The following BBOX1 variants were observed in gnomAD, a reference collection of about 807,000 sequenced individuals.
BBOX1 encodes the protein gamma-butyrobetaine dioxygenase.
A neutral mutation model predicts 41.6 loss-of-function variants in BBOX1; 35 were observed. That is an observed-to-expected ratio of 0.84 (90% confidence interval 0.64 to 1.11). The LOEUF (loss-of-function observed/expected upper bound fraction) is 1.11, where lower values mean the gene tolerates loss of function less well. Among genes scored for constraint, BBOX1 ranks in the 50% most tolerant of loss-of-function variants. The probability of loss-of-function intolerance (pLI) is 0.00; values close to 1 mark genes in which losing one functional copy is unlikely to be tolerated. For synonymous variants in BBOX1, 163 were observed against 154.7 expected (o/e 1.05, Z -0.40); for missense variants, 458 against 460.6 (o/e 0.99, Z 0.05).
Position 27,076,283 on chromosome 11 carries a change from G to A in BBOX1, c.335-16885G>A, listed in dbSNP as rs369906087. Among the ~76,000 whole-genome samples the A allele has an allele frequency of 4.3e-4, 66 of 152,276 alleles. No homozygotes were observed. In the South Asian group the frequency reaches 0.011, roughly 25 times the overall value. ...CTGGTGGAGATGTCAGGGGAGTGAC[G>A]TAGACCCTATAAAGTTCCTTGGTTA... On this transcript the variant is annotated intron_variant, in intron 4 of 8. Transcript: ENST00000263182.
chr11:27,041,127 C>G (rs1261119390), intron 1 of BBOX1, 89 bp from the exon 2 acceptor site: 2 of 151,394 alleles, frequency 1.3e-5, no homozygotes, highest in African/African-American at 4.9e-5. Flanking sequence ...CAACAGTACT[C>G]AAAGTATTTT....
At chr11:27,049,796 AT>A (rs1479147356) in intron 2 of BBOX1, among the ~76,000 whole-genome samples, 1 of 152,022 alleles carries the variant, frequency 6.6e-6, no homozygotes, top group African/African-American at 2.4e-5. Flanking sequence ...ATTTTCTCTC[AT>A]TTTTTAGGCT....
At chr11:27,083,910 C>A (rs1857940367) in intron 4 of BBOX1, among the ~76,000 whole-genome samples, 2 of 152,120 alleles carry the variant, frequency 1.3e-5, no homozygotes, top group Admixed American at 1.3e-4. Context: ...GCAACCAGAG[C>A]ACCCTTAGCA....
At chr11:27,070,934 A>C (rs951175823) in intron 4 of BBOX1, among the ~76,000 whole-genome samples, 1 of 152,264 alleles carries the variant, frequency 6.6e-6, no homozygotes, top group South Asian at 2.1e-4. Context: ...TTCAAGTTTT[A>C]GAACTCCTAG....
chr11:27,081,655 A>C (rs1392770881), intron 4 of BBOX1, among the ~76,000 whole-genome samples: 2 of 152,144 alleles, frequency 1.3e-5, no homozygotes, highest in Non-Finnish European at 2.9e-5. Flanking sequence ...TGGTTGAACT[A>C]ATTTACACTC....
chr11:27,127,715 C>A lies in BBOX1; in HGVS notation c.*262C>A. 2 of 354,680 alleles carry A rather than the reference C, an allele frequency of 5.6e-6. No homozygotes were observed. Among genetic ancestry groups the A allele is most frequent in the Non-Finnish European group, 1.0e-5 (2 of 198,604 alleles). 22.0% of individuals were successfully genotyped at this position (354,680 alleles called of 1,614,324 possible). A position where few individuals can be genotyped will look rare whatever the true frequency, so the allele number is the denominator to read the frequency against. On this transcript the variant is annotated 3_prime_UTR_variant, in exon 9 of 9. Transcript: ENST00000263182. ...ATTTCTTTTGCCCATATATGAGTATCTCCAGAATGTCTACAAATAGTTTTT... is the reference window on the plus strand; with the variant it reads ...ATTTCTTTTGCCCATATATGAGTATATCCAGAATGTCTACAAATAGTTTTT...
chr11:27,074,847 G>A (rs1269678428), intron 4 of BBOX1, among the ~76,000 whole-genome samples: 1 of 152,212 alleles, frequency 6.6e-6, no homozygotes, highest in Non-Finnish European at 1.5e-5. Context: ...CAGGCCACAA[G>A]AGGTGGACTC....
At chr11:27,112,111 C>A (rs541112081) in intron 5 of BBOX1, among the ~76,000 whole-genome samples, 1 of 152,050 alleles carries the variant, frequency 6.6e-6, no homozygotes, top group South Asian at 2.1e-4. Context: ...AGTATGTACT[C>A]AATGAAGTCC....
chr11:27,059,956 T>G lies in BBOX1; in HGVS notation c.334+2641T>G, dbSNP rs146634821. Reference sequence around the variant, plus strand: ...CCCTGTCTTAGATGAAACTTTAAACTTCAGACTTTTGAGTTAATGCTAGAA... The same window carrying G: ...CCCTGTCTTAGATGAAACTTTAAACGTCAGACTTTTGAGTTAATGCTAGAA... On this transcript the variant is annotated intron_variant, in intron 4 of 8. Coordinates refer to ENST00000263182, the MANE Select transcript of BBOX1 (RefSeq NM_003986.3). Among the ~76,000 whole-genome samples, 129 of 152,302 alleles carry G rather than the reference T, an allele frequency of 8.5e-4. 1 individual carries two copies. Among genetic ancestry groups the G allele is most frequent in the African/African-American group, 2.9e-3 (121 of 41,572 alleles).
intron 4 of BBOX1, among the ~76,000 whole-genome samples, chr11:27,065,433 A>T (rs1199561211): frequency 1.3e-5 from 2 of 152,166 alleles, no homozygotes; most frequent in East Asian, 3.9e-4. Flanking sequence ...TGGTAAAATC[A>T]GGCATAACAT....
chr11:27,058,565 T>TG (rs1357446044), intron 4 of BBOX1, among the ~76,000 whole-genome samples: 1 of 152,160 alleles, frequency 6.6e-6, no homozygotes. Flanking sequence ...AAAATGCTGA[T>TG]GGTGATATGG....
At chr11:27,046,439 G>GACAC (rs34097371) in intron 2 of BBOX1, among the ~76,000 whole-genome samples, 49,986 of 149,516 alleles carry the variant, frequency 0.33, 8,628 homozygotes, top group South Asian at 0.47. Context: ...ACACACCACA[G>GACAC]ACACACACAC....
chr11:27,118,504 C>A (rs1331971822), intron 6 of BBOX1, among the ~76,000 whole-genome samples: 1 of 151,938 alleles, frequency 6.6e-6, no homozygotes, highest in Non-Finnish European at 1.5e-5. Flanking sequence ...AGAGATAAGG[C>A]ACCACATCTT....
chr11:27,106,949 C>T (rs1858894633), intron 5 of BBOX1, among the ~76,000 whole-genome samples: 1 of 152,090 alleles, frequency 6.6e-6, no homozygotes, highest in Non-Finnish European at 1.5e-5. Flanking sequence ...CAAAACCACT[C>T]AACTACATGG....
intron 6 of BBOX1, among the ~76,000 whole-genome samples, chr11:27,117,614 C>T (rs1325629845): frequency 4.0e-5 from 6 of 151,870 alleles, no homozygotes; most frequent in African/African-American, 1.2e-4. Context: ...GACTAGAAAA[C>T]TAAAAGTTTT....
At chr11:27,048,596 C>A (rs1029886172) in intron 2 of BBOX1, among the ~76,000 whole-genome samples, 4 of 151,766 alleles carry the variant, frequency 2.6e-5, no homozygotes, top group Non-Finnish European at 4.4e-5. Context: ...CATTTTTAAT[C>A]CACTCATTTA....
At chr11:27,067,460 C>T (rs1166218480) in intron 4 of BBOX1, among the ~76,000 whole-genome samples, 3 of 152,018 alleles carry the variant, frequency 2.0e-5, no homozygotes, top group Admixed American at 6.6e-5. Context: ...CCGGGCCAGG[C>T]GCGGTGGCTC....
intron 4 of BBOX1, among the ~76,000 whole-genome samples, chr11:27,058,735 C>T (rs72876276): frequency 0.07 from 10,586 of 152,064 alleles, 394 homozygotes; most frequent in Middle Eastern, 0.13. Flanking sequence ...TGATGACCTA[C>T]GGTATCTAGT....
At chr11:27,046,918 A>ATGTT (rs10684089) in intron 2 of BBOX1, among the ~76,000 whole-genome samples, 32,305 of 148,452 alleles carry the variant, frequency 0.22, 4,528 homozygotes, top group African/African-American at 0.4. Flanking sequence ...ATGATCTGCA[A>ATGTT]TTTTTTTTTT....
Sources: gnomAD v4.1 joint callset for allele counts (sites outside exome capture counted in the v4.1 genomes callset) on GRCh38, gnomAD v4.1.1 for gene constraint, MANE v1.5 for transcripts, NCBI Gene and HGNC (gene_info 2026-07-23, HGNC 2026-07-21) for gene names.